The following USP45 variants were observed in gnomAD, a reference collection of about 807,000 sequenced individuals.
USP45 encodes ubiquitin carboxyl-terminal hydrolase 45.
In USP45, 89 loss-of-function variants were observed where a neutral mutation model predicts 95.8. The observed-to-expected ratio is 0.93, with a 90% CI of 0.78 to 1.11. USP45 has a LOEUF of 1.11. Ranked by LOEUF, USP45 falls within the 50% of genes least tolerant of loss-of-function variation. The pLI is 0.00. For synonymous variants in USP45, 281 were observed against 316.2 expected (o/e 0.89, Z 1.18); for missense variants, 898 against 942.5 (o/e 0.95, Z 0.62).
intron 5 of USP45, among the ~76,000 whole-genome samples, chr6:99,490,488 GA>G (rs1794930445): frequency 6.6e-6 from 1 of 151,484 alleles, no homozygotes; most frequent in Non-Finnish European, 1.5e-5. Flanking sequence ...CCAGCCCTTA[GA>G]TTTTATAGTT....
intron 13 of USP45, among the ~76,000 whole-genome samples, chr6:99,453,747 C>A (rs1213560164): frequency 1.3e-5 from 2 of 152,014 alleles, no homozygotes; most frequent in South Asian, 2.1e-4. Flanking sequence ...TCAACTAAGG[C>A]CAAGAATTTG....
At chr6:99,497,330 T>C (rs897701325) in intron 5 of USP45, among the ~76,000 whole-genome samples, 2 of 152,124 alleles carry the variant, frequency 1.3e-5, no homozygotes, top group Non-Finnish European at 2.9e-5. Context: ...CTGTAAGCAT[T>C]CTTCTGGGAA....
At chr6:99,492,623 T>C (rs1394925284) in intron 5 of USP45, among the ~76,000 whole-genome samples, 3 of 151,410 alleles carry the variant, frequency 2.0e-5, no homozygotes, top group Admixed American at 2.0e-4. Context: ...GTCTCCTAAG[T>C]AGTTGGGATT....
intron 17 of USP45, among the ~76,000 whole-genome samples, chr6:99,436,167 A>G (rs1780444119): frequency 6.6e-6 from 1 of 150,396 alleles, no homozygotes; most frequent in African/African-American, 2.5e-5. Context: ...CCCTCCCCCG[A>G]CAGGCCCAGT....
intron 16 of USP45, 141 bp downstream of exon 16, chr6:99,439,628 A>T: frequency 1.9e-6 from 1 of 513,678 alleles, no homozygotes; most frequent in Non-Finnish European, 3.2e-6. Context: ...TGTTCCACAT[A>T]TTACTGACTT....
intron 13 of USP45, among the ~76,000 whole-genome samples, chr6:99,457,170 T>C (rs1419981743): frequency 6.6e-6 from 1 of 152,212 alleles, no homozygotes; most frequent in Non-Finnish European, 1.5e-5. Flanking sequence ...TCATTAGCAA[T>C]TTTAATTTCA....
At chr6:99,494,644 C>T (rs1396865965) in intron 5 of USP45, among the ~76,000 whole-genome samples, 3 of 152,042 alleles carry the variant, frequency 2.0e-5, no homozygotes, top group South Asian at 4.1e-4. Context: ...CCTGTAATCC[C>T]AGCACTTTGG....
Position 99,432,564 on chromosome 6 carries a change from T to C in USP45, c.*3152A>G, listed in dbSNP as rs2128509984. On this transcript the variant is annotated 3_prime_UTR_variant, in exon 18 of 18. Transcript: ENST00000500704. The stretch of plus-strand genomic sequence containing the variant: ...AAGAAAAAAAACAGTAGGAATAATA[T>C]GTATTACTCAAAATTGAAAATATGG... 1 of 148,830 alleles carries C rather than the reference T, an allele frequency of 6.7e-6. No individual in the cohort carries two copies. Among genetic ancestry groups the C allele is most frequent in the East Asian group, 2.0e-4 (1 of 5,062 alleles). The allele number at this position is 148,830 out of a possible 1,614,324, so 9.2% of individuals were successfully genotyped here.
intron 17 of USP45, 80 bp from the exon 18 acceptor site, chr6:99,435,926 C>G (rs539929428): frequency 7.2e-7 from 1 of 1,397,964 alleles, no homozygotes; most frequent in Admixed American, 2.5e-5. Context: ...ATAACATATT[C>G]ATTACAAACT....
At chr6:99,456,839 C>T (rs980028134) in intron 13 of USP45, among the ~76,000 whole-genome samples, 2 of 152,220 alleles carry the variant, frequency 1.3e-5, no homozygotes, top group Non-Finnish European at 2.9e-5. Context: ...AAACTCTGAC[C>T]TCTGGTGAGC....
rs577664760 is a variant in USP45, at chr6:99,450,985, C to T, written c.1309-4522G>A. Among the ~76,000 whole-genome samples, 296 of 152,252 alleles carry T rather than the reference C, an allele frequency of 1.9e-3. 1 individual carries two copies. Among genetic ancestry groups the T allele is most frequent in the Non-Finnish European group, 3.3e-3 (224 of 68,028 alleles). ...AAAGGCCTTTGACAAAATTCAACAG[C>T]CCTTAATGCTAAAAACTCTCAATAA... On this transcript the variant is annotated intron_variant, in intron 13 of 17. Coordinates refer to ENST00000500704, the MANE Select transcript of USP45 (RefSeq NM_001346022.3).
chr6:99,490,895 C>A (rs567178659), intron 5 of USP45, among the ~76,000 whole-genome samples: 2 of 152,138 alleles, frequency 1.3e-5, no homozygotes, highest in African/African-American at 4.8e-5. Context: ...ATTAAGCAAA[C>A]CTATTTCATG....
intron 5 of USP45, among the ~76,000 whole-genome samples, chr6:99,491,749 A>G (rs1050580605): frequency 1.3e-5 from 2 of 152,144 alleles, no homozygotes; most frequent in African/African-American, 4.8e-5. Flanking sequence ...TGACTCCTCA[A>G]AAATATCTTT....
At chr6:99,464,077 C>T (rs1385530861) in intron 13 of USP45, among the ~76,000 whole-genome samples, 8 of 151,836 alleles carry the variant, frequency 5.3e-5, no homozygotes, top group African/African-American at 1.9e-4. Flanking sequence ...GAGGCCGAGG[C>T]GGGCAGATCA....
chr6:99,513,650 A>G (rs1247659542), intron 1 of USP45, among the ~76,000 whole-genome samples: 1 of 152,238 alleles, frequency 6.6e-6, no homozygotes, highest in African/African-American at 2.4e-5. Flanking sequence ...ACATACTGTA[A>G]GCAACCTGTG....
At chr6:99,440,132 A>T (rs1781251675) in intron 15 of USP45, among the ~76,000 whole-genome samples, 1 of 152,200 alleles carries the variant, frequency 6.6e-6, no homozygotes, top group African/African-American at 2.4e-5. Context: ...AAATAAATTC[A>T]ATATAAAAGC....
chr6:99,495,813 A>C (rs987766019), intron 5 of USP45, among the ~76,000 whole-genome samples: 2 of 152,268 alleles, frequency 1.3e-5, no homozygotes, highest in African/African-American at 4.8e-5. Flanking sequence ...TCCTTCTCAA[A>C]TGATTCCTTA....
intron 9 of USP45, among the ~76,000 whole-genome samples, chr6:99,470,863 A>G (rs1488340272): frequency 6.6e-6 from 1 of 152,188 alleles, no homozygotes. Flanking sequence ...ATAACATTTC[A>G]AACAACTCAA....
At chr6:99,510,584 C>T (rs1343617261) in intron 1 of USP45, among the ~76,000 whole-genome samples, 3 of 152,124 alleles carry the variant, frequency 2.0e-5, no homozygotes, top group African/African-American at 2.4e-5. Flanking sequence ...AGACTGGCCT[C>T]TTATAATAAG....
Sources: gnomAD v4.1 joint callset for allele counts (sites outside exome capture counted in the v4.1 genomes callset) on GRCh38, gnomAD v4.1.1 for gene constraint, MANE v1.5 for transcripts, NCBI Gene and HGNC (gene_info 2026-07-23, HGNC 2026-07-21) for gene names.